The following NEK7 variants were observed in gnomAD, a reference collection of about 807,000 sequenced individuals.
NEK7 encodes the protein NIMA related kinase 7.
Under a neutral mutation model 44.6 loss-of-function variants are expected in NEK7, and 18 were observed. The ratio of observed to expected loss-of-function variants is 0.40; its 90% CI spans 0.28 to 0.60. The LOEUF is 0.60. Ranked by LOEUF, NEK7 falls within the 20% of genes least tolerant of loss-of-function variation. The pLI is 0.38. For synonymous variants in NEK7, 130 were observed against 121.1 expected (o/e 1.07, Z -0.48); for missense variants, 256 against 366.5 (o/e 0.70, Z 2.46).
chr1:198,295,231 G>A lies in NEK7; in HGVS notation c.685-1896G>A, dbSNP rs564969364. Among the ~76,000 whole-genome samples the A allele has an allele frequency of 9.9e-5, 15 of 152,136 alleles. No homozygotes were observed. In the East Asian group the frequency reaches 1.5e-3, roughly 16 times the overall value. ...TTACACATTTCCTTTATTGTTCAGC[G>A]CAGCAATTGCATCCTTACAGGGTTG... On this transcript the variant is annotated intron_variant, in intron 8 of 9. Transcript: ENST00000367385.
At chr1:198,227,137 C>G (rs1238012350) in intron 1 of NEK7, among the ~76,000 whole-genome samples, 1 of 152,038 alleles carries the variant, frequency 6.6e-6, no homozygotes, top group Admixed American at 6.6e-5. Flanking sequence ...TTTGTCCTTG[C>G]GATAGTTTGC....
chr1:198,208,671 T>C (rs1294493154), intron 1 of NEK7: 1 of 152,226 alleles, frequency 6.6e-6, no homozygotes, highest in Non-Finnish European at 1.5e-5. Context: ...ATGATAAATA[T>C]ATTCAGCTTT....
intron 2 of NEK7, among the ~76,000 whole-genome samples, chr1:198,250,504 A>G (rs1652907807): frequency 6.7e-6 from 1 of 149,538 alleles, no homozygotes; most frequent in Non-Finnish European, 1.5e-5. Context: ...GATTCTTCCT[A>G]CCCATGAGCA....
At chr1:198,304,995 A>T (rs1165700175) in intron 9 of NEK7, among the ~76,000 whole-genome samples, 2 of 152,050 alleles carry the variant, frequency 1.3e-5, no homozygotes, top group Non-Finnish European at 2.9e-5. Flanking sequence ...CTTTTGCCTT[A>T]TTTTTAACAT....
At chr1:198,190,700 T>C (rs2102766020) in intron 1 of NEK7, among the ~76,000 whole-genome samples, 1 of 152,222 alleles carries the variant, frequency 6.6e-6, no homozygotes, top group South Asian at 2.1e-4. Flanking sequence ...GAATTACAAA[T>C]TGAGAAATTT....
At chr1:198,317,888 T>TTTTG (rs1655420989) in intron 9 of NEK7, among the ~76,000 whole-genome samples, 2 of 144,394 alleles carry the variant, frequency 1.4e-5, no homozygotes, top group East Asian at 2.0e-4. Context: ...TTTTTTTTTT[T>TTTTG]TTTTTTTTTT....
intron 2 of NEK7, among the ~76,000 whole-genome samples, chr1:198,250,147 C>T (rs1371767822): frequency 6.6e-6 from 1 of 150,406 alleles, no homozygotes; most frequent in Non-Finnish European, 1.5e-5. Flanking sequence ...ATGCTTTCCC[C>T]ATTGCTTGTT....
chr1:198,242,592 G>C (rs987930417), intron 2 of NEK7, among the ~76,000 whole-genome samples: 1 of 150,486 alleles, frequency 6.6e-6, no homozygotes, highest in African/African-American at 2.4e-5. Flanking sequence ...CTCCCGAGTA[G>C]CTGTGACCAC....
chr1:198,286,672 A>G (rs1654380882), intron 7 of NEK7, among the ~76,000 whole-genome samples: 1 of 152,222 alleles, frequency 6.6e-6, no homozygotes, highest in South Asian at 2.1e-4. Flanking sequence ...TATGACTCTA[A>G]CCAGGCTAAC....
chr1:198,305,249 A>G (rs2103025814), intron 9 of NEK7, among the ~76,000 whole-genome samples: 1 of 152,290 alleles, frequency 6.6e-6, no homozygotes, highest in South Asian at 2.1e-4. Context: ...GATTAATACT[A>G]TTAGAAATTG....
intron 3 of NEK7, among the ~76,000 whole-genome samples, chr1:198,260,792 G>C (rs959361367): frequency 1.3e-5 from 2 of 152,026 alleles, no homozygotes; most frequent in African/African-American, 4.8e-5. Flanking sequence ...AATAATGTTA[G>C]TGAAAAAGCA....
At chr1:198,215,148 A>C (rs1045276910) in intron 1 of NEK7, among the ~76,000 whole-genome samples, 2 of 152,136 alleles carry the variant, frequency 1.3e-5, no homozygotes, top group African/African-American at 4.8e-5. Flanking sequence ...TCAATACTAG[A>C]CCAGCCATAC....
intron 1 of NEK7, among the ~76,000 whole-genome samples, chr1:198,223,611 A>G (rs1161844638): frequency 6.6e-6 from 1 of 152,224 alleles, no homozygotes; most frequent in East Asian, 1.9e-4. Context: ...AAGCAAGACA[A>G]TATTCAGACA....
intron 9 of NEK7, among the ~76,000 whole-genome samples, chr1:198,312,296 AT>A (rs1391035886): frequency 2.0e-5 from 3 of 150,512 alleles, no homozygotes; most frequent in Admixed American, 6.6e-5. Flanking sequence ...CCCCTTTATC[AT>A]TTTTTATTGC....
At chr1:198,177,588 T>C (rs1016396574) in intron 1 of NEK7, among the ~76,000 whole-genome samples, 17 of 152,116 alleles carry the variant, frequency 1.1e-4, no homozygotes, top group Admixed American at 3.3e-4. Context: ...TTTTTTTAAA[T>C]GTAGAAGCAA....
intron 1 of NEK7, among the ~76,000 whole-genome samples, chr1:198,176,378 C>T (rs910339278): frequency 6.6e-6 from 1 of 152,126 alleles, no homozygotes; most frequent in Non-Finnish European, 1.5e-5. Context: ...TTGAGTATTT[C>T]AGTATGATGC....
At chr1:198,221,027 G>A (rs886087095) in intron 1 of NEK7, 9 of 151,946 alleles carry the variant, frequency 5.9e-5, no homozygotes, top group Non-Finnish European at 7.4e-5. Flanking sequence ...AAGCTTGGAC[G>A]AATATGCTTC....
At chr1:198,301,447 G>A (rs1392828753) in intron 9 of NEK7, among the ~76,000 whole-genome samples, 1 of 152,252 alleles carries the variant, frequency 6.6e-6, no homozygotes, top group African/African-American at 2.4e-5. Flanking sequence ...CTACTCGGGA[G>A]GCTGAGGCGG....
intron 3 of NEK7, chr1:198,256,468 T>C (rs1653268404): frequency 6.3e-7 from 1 of 1,597,408 alleles, no homozygotes; most frequent in Non-Finnish European, 8.5e-7. Flanking sequence ...TATCCCATCA[T>C]GGTTCATTTG....
Sources: allele counts gnomAD v4.1 joint callset (sites outside exome capture counted in the v4.1 genomes callset), GRCh38; gene constraint gnomAD v4.1.1; transcripts MANE v1.5; gene names NCBI Gene and HGNC (gene_info 2026-07-23, HGNC 2026-07-21).